Variants in SDCBP2 observed in about 807,000 individuals in gnomAD.
The protein encoded by SDCBP2 is syntenin-2.
SDCBP2 carries 28 observed loss-of-function variants against 30.7 expected under a neutral mutation model. The observed-to-expected ratio is 0.91, with a 90% CI of 0.68 to 1.25. SDCBP2 has a LOEUF of 1.25. Ranked by LOEUF, SDCBP2 falls within the 50% of genes most tolerant of loss-of-function variation. The pLI is 0.00. For missense variants in SDCBP2, 399 were observed against 379.0 expected (o/e 1.05, Z -0.44); for synonymous variants, 166 against 157.3 (o/e 1.06, Z -0.41).
At position 1,310,461 on chromosome 20, in the gene SDCBP2, G is replaced by T. The variant is rs546304665; in HGVS notation, c.859C>A (p.His287Asn). 4.3e-6 allele frequency: 7 copies of T among 1,613,554 alleles called. No individual in the cohort carries two copies. Among genetic ancestry groups the T allele is most frequent in the East Asian group, 2.2e-5 (1 of 44,872 alleles). Residue 287 changes from histidine to asparagine, a missense_variant, in exon 9 of 9, where the codon CAC becomes AAC. His to Asn is a moderately conservative substitution (Grantham distance 68, BLOSUM62 1). Coordinates refer to ENST00000360779, the MANE Select transcript of SDCBP2 (RefSeq NM_080489.5). ...TGGCTTCAGGCATCTGGGATGGAGTGGTCCATGGTGTGGTGGAGCAGGACT... is the reference window on the plus strand; with the variant it reads ...TGGCTTCAGGCATCTGGGATGGAGTTGTCCATGGTGTGGTGGAGCAGGACT... The part of the protein sequence containing the change: ...PPVLLHHTMD[H>N]SIPDA
rs1298637493 is a variant in SDCBP2, at chr20:1,310,902, G to C, written c.733-11C>G. 6.2e-7 allele frequency: 1 copy of C among 1,608,612 alleles called. No individual in the cohort carries two copies. Among genetic ancestry groups the C allele is most frequent in the Admixed American group, 1.7e-5 (1 of 59,942 alleles). On this transcript the variant is annotated splice_polypyrimidine_tract_variant and intron_variant, in intron 7 of 8. Coordinates refer to ENST00000360779, the MANE Select transcript of SDCBP2 (RefSeq NM_080489.5). ...CATGATCTTTTTGTCCTAGGGAGGAGGCAAGTAAGCGATCACCCTAAGGAT... is the reference window on the plus strand; with the variant it reads ...CATGATCTTTTTGTCCTAGGGAGGACGCAAGTAAGCGATCACCCTAAGGAT...
At position 1,314,898 on chromosome 20, in the gene SDCBP2, T is replaced by C. The variant is rs1568560457; in HGVS notation, c.226-1400A>G. On this transcript the variant is annotated intron_variant, in intron 4 of 8. Coordinates refer to ENST00000360779, the MANE Select transcript of SDCBP2 (RefSeq NM_080489.5). ...ATGGAAGATTCTCTGTATTCACGTG[T>C]TGAAAGAATTAGTAAAGCTGTCAAT... is the stretch of plus-strand genomic sequence containing the variant. 3.9e-5 allele frequency among the ~76,000 whole-genome samples: 6 copies of C among 152,326 alleles called. No homozygotes were observed. The South Asian group carries it at 1.2e-3, about 32-fold the overall frequency.
intron 3 of SDCBP2, 177 bp downstream of exon 3, chr20:1,319,413 C>G: frequency 1.5e-6 from 1 of 665,006 alleles, no homozygotes; most frequent in Non-Finnish European, 2.7e-6. Flanking sequence ...GGTGACTCAG[C>G]CCAGGTCACC....
intron 4 of SDCBP2, among the ~76,000 whole-genome samples, chr20:1,315,857 A>T (rs1469322559): frequency 6.6e-6 from 1 of 152,218 alleles, no homozygotes; most frequent in East Asian, 1.9e-4. Flanking sequence ...TTTAGAATAC[A>T]CAAAGAACTC....
chr20:1,320,543 G>T lies in SDCBP2; in HGVS notation c.-19-108C>A, dbSNP rs181166209. 1,919 of 826,450 alleles carry T rather than the reference G, an allele frequency of 2.3e-3. 9 individuals carry two copies. Among genetic ancestry groups the T allele is most frequent in the Non-Finnish European group, 2.1e-3 (1,067 of 511,554 alleles). 51.2% of individuals were successfully genotyped at this position (826,450 alleles called of 1,614,324 possible). On this transcript the variant is annotated intron_variant, in intron 1 of 8. Coordinates refer to ENST00000360779, the MANE Select transcript of SDCBP2 (RefSeq NM_080489.5). This position sits in a 1 kb window ranked among gnomAD's most constrained non-coding sequence, Gnocchi z 4.7. ...CGGGTTGGAACTTAATATTCAAACA[G>T]AAAGGCAGCAGGGCACTTAGAATGC...
At chr20:1,314,847 A>G (rs2088752454) in intron 4 of SDCBP2, among the ~76,000 whole-genome samples, 1 of 148,268 alleles carries the variant, frequency 6.7e-6, no homozygotes, top group African/African-American at 2.7e-5. Flanking sequence ...AATACTGATA[A>G]AAGATATCAA....
At chr20:1,310,619 A>C (rs764154970) in intron 8 of SDCBP2, 124 bp from the exon 9 acceptor site, 279 of 1,078,490 alleles carry the variant, frequency 2.6e-4, no homozygotes, top group Non-Finnish European at 3.6e-4. Flanking sequence ...AGACTTTCGA[A>C]TCACCAGAAG....
chr20:1,328,239 C>G (rs934408637), intron 1 of SDCBP2, among the ~76,000 whole-genome samples: 2 of 152,014 alleles, frequency 1.3e-5, no homozygotes, highest in Non-Finnish European at 2.9e-5. Context: ...GCCTGGAGGT[C>G]ATGGTGAGGA....
rs1376018364 is a variant in SDCBP2, at chr20:1,313,326, C to T, written c.384+14G>A. 3 of 1,608,658 alleles carry T rather than the reference C, an allele frequency of 1.9e-6. No individual in the cohort carries two copies. Among genetic ancestry groups the T allele is most frequent in the Non-Finnish European group, 2.5e-6 (3 of 1,178,778 alleles). The stretch of plus-strand genomic sequence containing the variant: ...AGCTCGAGCTCCTCTTCCCACCCAG[C>T]CCCCGCGCCCTACCTGGTCGACCTT... On this transcript the variant is annotated intron_variant, in intron 5 of 8. Transcript: ENST00000360779. The surrounding 1 kb of genome is among the most constrained non-coding windows in gnomAD (Gnocchi z 5.2).
rs75491719 is a variant in SDCBP2, at chr20:1,328,929, C to T, written c.-20+156G>A. On this transcript the variant is annotated intron_variant, in intron 1 of 8. Coordinates refer to ENST00000360779, the MANE Select transcript of SDCBP2 (RefSeq NM_080489.5). Reference sequence around the variant, plus strand: ...GGGCTGGGATCAGAAGAAGAAACCCCACTTCACACTTGACTGCTTGGAGTG... The same window carrying T: ...GGGCTGGGATCAGAAGAAGAAACCCTACTTCACACTTGACTGCTTGGAGTG... 6.0e-3 allele frequency among the ~76,000 whole-genome samples: 913 copies of T among 152,240 alleles called. 28 individuals carry two copies. Among genetic ancestry groups the T allele is most frequent in the Admixed American group, 0.046 (700 of 15,304 alleles).
In SDCBP2 at chr20:1,313,091, C is replaced by T; in HGVS notation, c.384+249G>A. 1.7e-6 allele frequency: 1 copy of T among 595,394 alleles called. No individual in the cohort carries two copies. The highest frequency in any genetic ancestry group is 3.0e-6 in the Non-Finnish European group (1 of 336,810). 36.9% of individuals were successfully genotyped at this position (595,394 alleles called of 1,614,324 possible). On this transcript the variant is annotated intron_variant, in intron 5 of 8. Transcript: ENST00000360779. The surrounding 1 kb of genome is among the most constrained non-coding windows in gnomAD (Gnocchi z 5.2). ...GCTAGATGCCCTGGGCAGCGAAGGGCAGGTGGGGAAGGGAGGCTCCTCCGA... is the reference window on the plus strand; with the variant it reads ...GCTAGATGCCCTGGGCAGCGAAGGGTAGGTGGGGAAGGGAGGCTCCTCCGA...
At position 1,310,785 on chromosome 20, in the gene SDCBP2, G is replaced by GGGGTGAGGAT; in HGVS notation, c.824+14_824+15insATCCTCACCC. On this transcript the variant is annotated intron_variant, in intron 8 of 8. Transcript: ENST00000360779. The stretch of plus-strand genomic sequence containing the variant: ...GAGGAGGGGTGAGGAGGGGTGAGGA[G>GGGGTGAGGAT]GGGTGCAGCCTTACTTTTTGACCAT... The GGGGTGAGGAT allele has an allele frequency of 6.2e-7, 1 of 1,604,066 alleles. No individual in the cohort carries two copies. Among genetic ancestry groups the GGGGTGAGGAT allele is most frequent in the Non-Finnish European group, 8.5e-7 (1 of 1,172,176 alleles).
rs376427485 is a variant in SDCBP2, at chr20:1,320,344, A to G, written c.54+19T>C. The G allele has an allele frequency of 3.4e-5, 54 of 1,611,140 alleles. No individual in the cohort carries two copies. Among genetic ancestry groups the G allele is most frequent in the Non-Finnish European group, 3.1e-5 (36 of 1,177,590 alleles). ...GGTCCCCTTCAGGGAATCCAGGCCA[A>G]TGGGGCCTGGCGACTTACCTGAATG... On this transcript the variant is annotated intron_variant, in intron 2 of 8. Transcript: ENST00000360779. The surrounding 1 kb of genome is among the most constrained non-coding windows in gnomAD (Gnocchi z 4.7).
intron 7 of SDCBP2, chr20:1,311,151 A>G: frequency 2.4e-6 from 1 of 423,444 alleles, no homozygotes; most frequent in South Asian, 4.6e-5. Flanking sequence ...TCCCACCCTC[A>G]GCTTGAAGGC....
chr20:1,324,807 G>C lies in SDCBP2; in HGVS notation c.-20+4278C>G, dbSNP rs1416398826. 6.6e-6 allele frequency among the ~76,000 whole-genome samples: 1 copy of C among 152,112 alleles called. No individual in the cohort carries two copies. Among genetic ancestry groups the C allele is most frequent in the Non-Finnish European group, 1.5e-5 (1 of 68,026 alleles). On this transcript the variant is annotated intron_variant, in intron 1 of 8. Transcript: ENST00000360779. This position sits in a 1 kb window ranked among gnomAD's most constrained non-coding sequence, Gnocchi z 4.7. ...TTTTATATAAATATATTTAGCCTTT[G>C]ACTCAAGATGTCAGATATAAACTGT...
intron 3 of SDCBP2, among the ~76,000 whole-genome samples, chr20:1,318,883 C>A (rs1251909481): frequency 2.0e-5 from 3 of 152,164 alleles, no homozygotes; most frequent in Non-Finnish European, 4.4e-5. Flanking sequence ...AGAGGGTGGC[C>A]ATCTGCAAGC....
chr20:1,326,402 C>G (rs2088926467), intron 1 of SDCBP2, among the ~76,000 whole-genome samples: 1 of 152,232 alleles, frequency 6.6e-6, no homozygotes. Context: ...TGTTTCCATT[C>G]TCACCATCTC....
At chr20:1,327,199 T>A (rs1273436136) in intron 1 of SDCBP2, among the ~76,000 whole-genome samples, 1 of 152,188 alleles carries the variant, frequency 6.6e-6, no homozygotes, top group African/African-American at 2.4e-5. Flanking sequence ...TGAGCTTCTG[T>A]ACTTTTTGAT....
chr20:1,310,861 C>A lies in SDCBP2; in HGVS notation c.763G>T (p.Ala255Ser), dbSNP rs1258485198. The change falls in exon 8 of 9, where the codon GCT becomes TCT. Residue 255 changes from alanine to serine, a missense_variant. Coordinates refer to ENST00000360779, the MANE Select transcript of SDCBP2 (RefSeq NM_080489.5). ...DKKIMEILAT[A>S]GNVVTLTIIP... ...ATGGTCAGGGTGACAACGTTCCCAG[C>A]CGTGGCCAGAATCTCCATGATCTTT... The A allele has an allele frequency of 1.2e-6, 2 of 1,614,008 alleles. No homozygotes were observed. Among genetic ancestry groups the A allele is most frequent in the East Asian group, 2.2e-5 (1 of 44,868 alleles).
Sources: allele counts gnomAD v4.1 joint callset (sites outside exome capture counted in the v4.1 genomes callset), GRCh38; gene constraint gnomAD v4.1.1; non-coding constraint Gnocchi (gnomAD v3.1); transcripts MANE v1.5; gene names NCBI Gene and HGNC (gene_info 2026-07-23, HGNC 2026-07-21).